Variants in ERBB4 observed in about 807,000 individuals in gnomAD.
ERBB4 encodes receptor tyrosine-protein kinase erbB-4.
ERBB4 carries 42 observed loss-of-function variants against 158.0 expected under a neutral mutation model. The ratio of observed to expected loss-of-function variants is 0.27; its 90% CI spans 0.21 to 0.34. The LOEUF is 0.34. Ranked by LOEUF, ERBB4 falls within the 10% of genes least tolerant of loss-of-function variation. The pLI is 1.00. For synonymous variants in ERBB4, 583 were observed against 558.7 expected, an observed-to-expected ratio of 1.04 and a Z score of -0.61; for missense variants, 1,333 against 1,624.1, an observed-to-expected ratio of 0.82 and a Z score of 3.08.
intron 20 of ERBB4, among the ~76,000 whole-genome samples, chr2:211,478,632 C>T (rs1274332369): frequency 6.6e-6 from 1 of 152,026 alleles, no homozygotes; most frequent in Admixed American, 6.6e-5. Flanking sequence ...GCAAATAAAA[C>T]ACCACTTGAA....
At chr2:212,379,863 A>G (rs1191810972) in intron 1 of ERBB4, among the ~76,000 whole-genome samples, 1 of 150,378 alleles carries the variant, frequency 6.6e-6, no homozygotes. Context: ...CATACTACCA[A>G]TGGGAGGCTG....
At chr2:211,446,303 G>A (rs1172493725) in intron 20 of ERBB4, among the ~76,000 whole-genome samples, 1 of 152,148 alleles carries the variant, frequency 6.6e-6, no homozygotes, top group East Asian at 1.9e-4. Context: ...GCATCACCTG[G>A]CTGGAGTATT....
intron 4 of ERBB4, among the ~76,000 whole-genome samples, chr2:211,754,873 TGTTTTTTAGTAGAGACGGG>T (rs1242242183): frequency 6.6e-6 from 1 of 150,832 alleles, no homozygotes; most frequent in East Asian, 2.0e-4. Flanking sequence ...CTAATTTTTG[TGTTTTTTAGTAGAGACGGG>T]GTTTCACCCT....
intron 1 of ERBB4, among the ~76,000 whole-genome samples, chr2:212,254,234 A>C (rs1035978704): frequency 7.9e-5 from 12 of 152,178 alleles, no homozygotes; most frequent in African/African-American, 2.9e-4. Flanking sequence ...ACAATTCCTC[A>C]GTCCAAACGT....
In ERBB4 at chr2:211,387,117, C is replaced by G. The variant is rs1333562511; in HGVS notation, c.3217G>C (p.Ala1073Pro). The change falls in exon 27 of 28, where the codon GCT (alanine) becomes CCT (proline). Residue 1073 changes from alanine to proline, a missense_variant. Physicochemically the swap from Ala to Pro is conservative, Grantham distance 27. Transcript: ENST00000342788. ...TAGGGCACAGACACTCCTTGTTCAG[C>G]AGCAAAACCTCCATCTCGGTATACA... ...QFVYRDGGFA[A>P]EQGVSVPYRA... The G allele has an allele frequency of 6.2e-7, 1 of 1,613,936 alleles. No homozygotes were observed. The highest frequency in any genetic ancestry group is 1.7e-5 in the Admixed American group (1 of 60,016).
chr2:211,802,849 A>G (rs1487321508), intron 3 of ERBB4, among the ~76,000 whole-genome samples: 3 of 152,114 alleles, frequency 2.0e-5, no homozygotes, highest in Non-Finnish European at 4.4e-5. Flanking sequence ...AGGAGGGAGA[A>G]CTCTGTGAAA....
intron 2 of ERBB4, among the ~76,000 whole-genome samples, chr2:212,031,974 A>C (rs185940630): frequency 1.3e-4 from 20 of 152,208 alleles, no homozygotes; most frequent in African/African-American, 4.3e-4. Context: ...AGGGAAAGCA[A>C]CTTTGCTGTC....
chr2:212,057,836 C>A (rs2125412378), intron 2 of ERBB4, among the ~76,000 whole-genome samples: 1 of 152,262 alleles, frequency 6.6e-6, no homozygotes, highest in Admixed American at 6.5e-5. Flanking sequence ...CAGGAAAGAT[C>A]TAAAATTGAC....
At chr2:211,855,856 T>A (rs12621282) in intron 3 of ERBB4, among the ~76,000 whole-genome samples, 33,236 of 152,040 alleles carry the variant, frequency 0.22, 3,766 homozygotes, top group South Asian at 0.32. Flanking sequence ...GTGTAAAGAT[T>A]AAAAAGGAAG....
rs183332991 is a variant in ERBB4 at position 212,474,431 on chromosome 2, T to C, written c.82+64018A>G. Among the ~76,000 whole-genome samples, 564 of 152,226 alleles carry C rather than the reference T, an allele frequency of 3.7e-3. 5 individuals carry two copies. The highest frequency in any genetic ancestry group is 0.013 in the African/African-American group (535 of 41,544). ...TGGCAGAGAAAAGCTTTAACTGATGTTAGTATTACTGAAATGGCCAGCATG... is the reference window on the plus strand; with the variant it reads ...TGGCAGAGAAAAGCTTTAACTGATGCTAGTATTACTGAAATGGCCAGCATG... On this transcript the variant is annotated intron_variant, in intron 1 of 27. Coordinates refer to ENST00000342788, the MANE Select transcript of ERBB4 (RefSeq NM_005235.3).
chr2:211,939,268 A>T (rs574863588), intron 3 of ERBB4, among the ~76,000 whole-genome samples: 93 of 152,238 alleles, frequency 6.1e-4, no homozygotes, highest in African/African-American at 1.9e-3. Flanking sequence ...GGGTAAATAG[A>T]TCTAGATTCC....
chr2:212,016,828 C>T (rs73083323), intron 2 of ERBB4, among the ~76,000 whole-genome samples: 4,279 of 151,988 alleles, frequency 0.028, 72 homozygotes, highest in Middle Eastern at 0.041. Context: ...ATTTTCTCAT[C>T]CATAAAATGG....
chr2:212,215,794 T>C (rs1446430450), intron 1 of ERBB4, among the ~76,000 whole-genome samples: 1 of 151,454 alleles, frequency 6.6e-6, no homozygotes, highest in African/African-American at 2.4e-5. Context: ...ATCTCTATAC[T>C]GAATTTTTGC....
intron 1 of ERBB4, among the ~76,000 whole-genome samples, chr2:212,492,620 C>T (rs1690343302): frequency 6.6e-6 from 1 of 151,180 alleles, no homozygotes; most frequent in Non-Finnish European, 1.5e-5. Context: ...ATTAACATGC[C>T]TTTAAAATGA....
chr2:211,663,380 G>A (rs7567715), intron 15 of ERBB4, among the ~76,000 whole-genome samples: 77,992 of 151,918 alleles, frequency 0.51, 20,490 homozygotes, highest in Middle Eastern at 0.63. Context: ...ATGCCAGGGA[G>A]TACAATATTC....
At chr2:212,400,524 C>T (rs1023472715) in intron 1 of ERBB4, among the ~76,000 whole-genome samples, 1 of 152,116 alleles carries the variant, frequency 6.6e-6, no homozygotes, top group Non-Finnish European at 1.5e-5. Flanking sequence ...TAAAAGAGTT[C>T]TCTTGATAAA....
In ERBB4 at chr2:211,490,587, T is replaced by G. The variant is rs74538050; in HGVS notation, c.2488-59487A>C. ...TCATGAGCGACCTAGAGAGAGACTT[T>G]CAGAAGCTATGGAGAGGTGAAGCAT... On this transcript the variant is annotated intron_variant, in intron 20 of 27. Coordinates refer to ENST00000342788, the MANE Select transcript of ERBB4 (RefSeq NM_005235.3). Among the ~76,000 whole-genome samples the G allele has an allele frequency of 7.0e-3, 1,071 of 152,128 alleles. 17 individuals are homozygous for G. The highest frequency in any genetic ancestry group is 0.025 in the African/African-American group (1,020 of 41,564).
chr2:211,681,619 A>G (rs2072336635), intron 12 of ERBB4, among the ~76,000 whole-genome samples: 1 of 152,166 alleles, frequency 6.6e-6, no homozygotes, highest in Non-Finnish European at 1.5e-5. Flanking sequence ...AATGATTAAA[A>G]ATGTTGAATA....
chr2:211,375,746 A>G lies in ERBB4; in HGVS notation c.*7869T>C. 4.4e-6 allele frequency: 1 copy of G among 229,480 alleles called. No individual in the cohort carries two copies. Among genetic ancestry groups the G allele is most frequent in the Non-Finnish European group, 8.7e-6 (1 of 115,390 alleles). The allele number at this position is 229,480 out of a possible 1,614,324, so 14.2% of individuals were successfully genotyped here. A position where few individuals can be genotyped will look rare whatever the true frequency, so the allele number is the denominator to read the frequency against. On this transcript the variant is annotated 3_prime_UTR_variant, in exon 28 of 28. Coordinates refer to ENST00000342788, the MANE Select transcript of ERBB4 (RefSeq NM_005235.3). ...TTTGTTTCATATTTTATTGAATTTC[A>G]TTTATATTAAATTAAAAATATATTT...
Sources: gnomAD v4.1 joint callset for allele counts (sites outside exome capture counted in the v4.1 genomes callset) on GRCh38, gnomAD v4.1.1 for gene constraint, MANE v1.5 for transcripts, NCBI Gene and HGNC (gene_info 2026-07-23, HGNC 2026-07-21) for gene names.